The following CBLC variants were observed in gnomAD, a reference collection of about 807,000 sequenced individuals.
The protein encoded by CBLC is E3 ubiquitin-protein ligase CBL-C.
Under a neutral mutation model 58.6 loss-of-function variants are expected in CBLC, and 46 were observed. That is an observed-to-expected ratio of 0.79 (90% CI 0.62 to 1.00). CBLC has a LOEUF of 1.00. Among genes scored for constraint, CBLC ranks in the 50% least tolerant of loss-of-function variants. The pLI is 0.00. For missense variants in CBLC, 655 were observed against 625.8 expected, an observed-to-expected ratio of 1.05 and a Z score of -0.50; for synonymous variants, 271 against 264.2, an observed-to-expected ratio of 1.03 and a Z score of -0.25.
chr19:44,786,687 G>A (rs191903974), intron 5 of CBLC, among the ~76,000 whole-genome samples: 1 of 152,218 alleles, frequency 6.6e-6, no homozygotes, highest in African/African-American at 2.4e-5. Context: ...ACCAACAGCA[G>A]TATAACTTGT....
At chr19:44,796,075 C>T (rs1968171842) in intron 9 of CBLC, among the ~76,000 whole-genome samples, 1 of 151,732 alleles carries the variant, frequency 6.6e-6, no homozygotes, top group African/African-American at 2.4e-5. Flanking sequence ...ATTAGCTGGG[C>T]GTGGTGGCGC....
intron 6 of CBLC, among the ~76,000 whole-genome samples, chr19:44,791,197 T>C (rs1469808183): frequency 2.0e-5 from 3 of 151,574 alleles, no homozygotes; most frequent in Non-Finnish European, 4.4e-5. Flanking sequence ...TCCTAGTACT[T>C]TGGGAGGCTG....
At chr19:44,783,509 CA>C (rs111548258) in intron 4 of CBLC, among the ~76,000 whole-genome samples, 1,743 of 124,134 alleles carry the variant, frequency 0.014, 10 homozygotes, top group Middle Eastern at 0.021. Context: ...AACTCCATCT[CA>C]AAAAAAAAAA....
At chr19:44,793,691 C>T (rs938583306) in intron 8 of CBLC, 71 bp downstream of exon 8, 1 of 1,433,000 alleles carries the variant, frequency 7.0e-7, no homozygotes, top group African/African-American at 1.4e-5. Flanking sequence ...GGAGCCTGGA[C>T]TCCTGGGTCT....
chr19:44,781,111 G>A, intron 2 of CBLC, 60 bp downstream of exon 2: 15 of 1,583,576 alleles, frequency 9.5e-6, no homozygotes, highest in African/African-American at 1.3e-5. Context: ...CAGGGACCCA[G>A]GGGTCCAGGC....
At chr19:44,791,704 CCTGGGCA>C (rs1968054239) in intron 6 of CBLC, among the ~76,000 whole-genome samples, 2 of 150,418 alleles carry the variant, frequency 1.3e-5, no homozygotes, top group African/African-American at 4.9e-5. Context: ...TGCACTCCAG[CCTGGGCA>C]ACAGAGCAAG....
chr19:44,790,123 T>C (rs757640018), intron 6 of CBLC, 32 bp downstream of exon 6: 18 of 1,539,684 alleles, frequency 1.2e-5, no homozygotes, highest in African/African-American at 2.7e-5. Flanking sequence ...GCAGTCCCAG[T>C]TCCCTGACCC....
intron 5 of CBLC, among the ~76,000 whole-genome samples, chr19:44,784,955 T>TTTTTG (rs1967853256): frequency 2.2e-5 from 2 of 90,226 alleles, no homozygotes; most frequent in Admixed American, 1.1e-4. Context: ...CAGGTGTTTT[T>TTTTTG]TTTTTTTTTT....
chr19:44,799,817 C>G (rs557770016), intron 9 of CBLC, among the ~76,000 whole-genome samples: 1 of 120,884 alleles, frequency 8.3e-6, no homozygotes, highest in Non-Finnish European at 1.8e-5. Context: ...AAGGAGAGAG[C>G]GAGAGAGAAA....
intron 9 of CBLC, among the ~76,000 whole-genome samples, chr19:44,798,438 G>A (rs150750227): frequency 0.015 from 2,326 of 152,120 alleles, 59 homozygotes; most frequent in African/African-American, 0.054. Context: ...AGCCAAGCGC[G>A]GTGGCTCACA....
At chr19:44,799,025 C>G (rs951627331) in intron 9 of CBLC, among the ~76,000 whole-genome samples, 1 of 152,210 alleles carries the variant, frequency 6.6e-6, no homozygotes, top group Non-Finnish European at 1.5e-5. Flanking sequence ...TCTTCCCTCT[C>G]CCAGGCACTT....
chr19:44,785,197 G>A (rs758370503), intron 5 of CBLC, among the ~76,000 whole-genome samples: 4 of 151,198 alleles, frequency 2.6e-5, no homozygotes, highest in Admixed American at 2.0e-4. Context: ...GGCTGGTCTC[G>A]AACTCCTGAC....
Position 44,782,363 on chromosome 19 carries a change from A to T in CBLC, c.658-7A>T, listed in dbSNP as rs200116296. 6.2e-7 allele frequency: 1 copy of T among 1,613,410 alleles called. No individual in the cohort carries two copies. The highest frequency in any genetic ancestry group is 8.5e-7 in the Non-Finnish European group (1 of 1,179,686). On this transcript the variant is annotated splice_region_variant and splice_polypyrimidine_tract_variant and intron_variant, in intron 3 of 10. Transcript: ENST00000647358. ...CGCTCCCTGACCCAAGCCCTGCCCC[A>T]CCCCAGCCATGGCCAACACTCCTCA...
At position 44,784,256 on chromosome 19, in the gene CBLC, C is replaced by T. The variant is rs142402664; in HGVS notation, c.780-8C>T. On this transcript the variant is annotated splice_region_variant and splice_polypyrimidine_tract_variant and intron_variant, in intron 4 of 10. Coordinates refer to ENST00000647358, the MANE Select transcript of CBLC (RefSeq NM_012116.4). Reference sequence around the variant, plus strand: ...CCCTCACCCCATCCTACCTACCTCTCCCTCCAGTTACATCTTCCGGCCCAG... The same window carrying T: ...CCCTCACCCCATCCTACCTACCTCTTCCTCCAGTTACATCTTCCGGCCCAG... 2.1e-4 allele frequency: 329 copies of T among 1,565,506 alleles called. 4 individuals carry two copies. In the African/African-American group the frequency reaches 3.9e-3, roughly 19 times the overall value.
intron 9 of CBLC, among the ~76,000 whole-genome samples, chr19:44,799,562 C>T (rs1195601591): frequency 6.6e-6 from 1 of 152,076 alleles, no homozygotes; most frequent in Non-Finnish European, 1.5e-5. Context: ...AAACTCCTGA[C>T]CTCAGGTGAT....
chr19:44,781,639 C>T (rs1183415919), intron 3 of CBLC, among the ~76,000 whole-genome samples: 1 of 104,108 alleles, frequency 9.6e-6, no homozygotes. Flanking sequence ...GAGGAGGGGC[C>T]GGGGACCTGG....
At chr19:44,799,624 G>A (rs1478020116) in intron 9 of CBLC, among the ~76,000 whole-genome samples, 2 of 151,970 alleles carry the variant, frequency 1.3e-5, no homozygotes, top group Non-Finnish European at 1.5e-5. Flanking sequence ...GAGCCACCGC[G>A]CGTGGCCCCT....
Position 44,800,403 on chromosome 19 carries a change from C to T in CBLC, c.1385C>T (p.Pro462Leu), listed in dbSNP as rs753128512. Residue 462 changes from proline (P) to leucine (L), a missense_variant, in exon 10 of 11, where the codon CCT becomes CTT. This residue lies in a region of CBLC where 371 missense variants were observed against 370.8 expected (regional missense o/e 1.00). Coordinates refer to ENST00000647358, the MANE Select transcript of CBLC (RefSeq NM_012116.4). ...PKVRLLKGNSPPAALGPQDPA... is the reference protein window; with the variant it reads ...PKVRLLKGNSLPAALGPQDPA... ...CAGAGACTCCTAAAGGGGAACTCCC[C>T]TCCAGCTGCGCTGGGACCCCAGGAC... The T allele has an allele frequency of 2.5e-6, 4 of 1,613,304 alleles. No individual in the cohort carries two copies. The highest frequency in any genetic ancestry group is 1.7e-5 in the Admixed American group (1 of 60,004).
In CBLC at chr19:44,793,470, C is replaced by T; in HGVS notation, c.1138-4C>T. ...CTGACCCTTTCCCTCCCGACCTCCC[C>T]CAGCACTCGGACAGCCAGACCTGCC... On this transcript the variant is annotated splice_polypyrimidine_tract_variant and splice_region_variant and intron_variant, in intron 7 of 10. Transcript: ENST00000647358. 6.2e-7 allele frequency: 1 copy of T among 1,604,504 alleles called. No individual in the cohort carries two copies. The highest frequency in any genetic ancestry group is 2.2e-5 in the East Asian group (1 of 44,726).
Sources: gnomAD v4.1 joint callset for allele counts (sites outside exome capture counted in the v4.1 genomes callset) on GRCh38, gnomAD v4.1.1 for gene constraint, gnomAD v4.1.1 regional missense constraint, MANE v1.5 for transcripts, NCBI Gene and HGNC (gene_info 2026-07-23, HGNC 2026-07-21) for gene names.